The following TNFAIP8L3 variants were observed in gnomAD, a reference collection of about 807,000 sequenced individuals.
TNFAIP8L3 encodes the protein tumor necrosis factor alpha-induced protein 8-like protein 3.
Under a neutral mutation model 11.8 loss-of-function variants are expected in TNFAIP8L3, and 7 were observed. That is an observed-to-expected ratio of 0.59 (90% CI 0.34 to 1.11). The LOEUF (loss-of-function observed/expected upper bound fraction) is 1.11, where lower values mean the gene tolerates loss of function less well. Ranked by LOEUF, TNFAIP8L3 falls within the 50% of genes most tolerant of loss-of-function variation. The probability of loss-of-function intolerance (pLI) is 0.03; values close to 1 mark genes in which losing one functional copy is unlikely to be tolerated. For missense variants in TNFAIP8L3, 219 were observed against 258.6 expected (o/e 0.85, Z 1.05); for synonymous variants, 98 against 103.8 (o/e 0.94, Z 0.34).
At chr15:51,088,571 G>A (rs1407951170) in intron 1 of TNFAIP8L3, among the ~76,000 whole-genome samples, 1 of 152,196 alleles carries the variant, frequency 6.6e-6, no homozygotes, top group Admixed American at 6.5e-5. Context: ...CAAAACAGCT[G>A]ATCAGCCAGC....
chr15:51,097,649 G>T (rs1052838381), upstream of TNFAIP8L3, among the ~76,000 whole-genome samples: 2 of 152,198 alleles, frequency 1.3e-5, no homozygotes, highest in African/African-American at 4.8e-5. Context: ...GGGACAGCAA[G>T]ACAAAGGGAA....
At chr15:51,072,989 CCTT>C (rs1461574293) in intron 1 of TNFAIP8L3, among the ~76,000 whole-genome samples, 1,617 of 45,670 alleles carry the variant, frequency 0.035, 102 homozygotes, top group African/African-American at 0.16. Flanking sequence ...AAACTGGGAT[CCTT>C]TTTTTTTTTT....
chr15:51,096,002 A>C (rs2140984220), upstream of TNFAIP8L3, among the ~76,000 whole-genome samples: 1 of 152,360 alleles, frequency 6.6e-6, no homozygotes, highest in African/African-American at 2.4e-5. Context: ...TTTTGGAAGT[A>C]GAATATGGTT....
At chr15:51,101,903 G>A (rs1163443167) in intron 1 of TNFAIP8L3, among the ~76,000 whole-genome samples, 17 of 135,258 alleles carry the variant, frequency 1.3e-4, no homozygotes, top group African/African-American at 3.7e-4. Context: ...CTGAGATTGC[G>A]CCACTGCACT....
chr15:51,071,050 C>CAAAAAAAAA lies in TNFAIP8L3; in HGVS notation c.53-12616_53-12608dup, dbSNP rs55991711. 4.9e-3 allele frequency among the ~76,000 whole-genome samples: 156 copies of CAAAAAAAAA among 31,796 alleles called. 6 individuals carry two copies. Among genetic ancestry groups the CAAAAAAAAA allele is most frequent in the East Asian group, 0.017 (14 of 844 alleles). 20.9% of individuals were successfully genotyped at this position (31,796 alleles called of 152,430 possible). ...TGGGCGACAGAGCGAGACTCCGTCT[C>CAAAAAAAAA]AAAAAAAAAAAAAAAAAAAAAAAGA... On this transcript the variant is annotated intron_variant, in intron 1 of 1. Transcript: ENST00000637513.
Position 51,057,944 on chromosome 15 carries a change from A to G in TNFAIP8L3, c.552T>C (p.Cys184=). Residue 184 remains cysteine (C), a synonymous_variant, in exon 2 of 2, where the codon TGT becomes TGC. Coordinates refer to ENST00000637513, the MANE Select transcript of TNFAIP8L3 (RefSeq NM_001311175.2). ...CACAAATCCTCTTGAGGTTGGGCCT[A>G]CAGTCTCCATCCAGACTATAGAGGG... The part of the protein sequence containing the change: ...LSTLYSLDGD[C]RPNLKRICEG... The G allele has an allele frequency of 6.2e-7, 1 of 1,612,058 alleles. No individual in the cohort carries two copies. Among genetic ancestry groups the G allele is most frequent in the African/African-American group, 1.3e-5 (1 of 74,930 alleles).
chr15:51,083,744 G>A (rs967767296), intron 1 of TNFAIP8L3, among the ~76,000 whole-genome samples: 8 of 152,220 alleles, frequency 5.3e-5, no homozygotes, highest in Non-Finnish European at 1.2e-4. Context: ...GATGGGGGTG[G>A]AGGCACCAGA....
intron 1 of TNFAIP8L3, among the ~76,000 whole-genome samples, chr15:51,074,305 C>T (rs2065333945): frequency 6.6e-6 from 1 of 152,234 alleles, no homozygotes; most frequent in African/African-American, 2.4e-5. Context: ...TCCATGACAA[C>T]AAATGTACTA....
upstream of TNFAIP8L3, among the ~76,000 whole-genome samples, chr15:51,096,542 G>C (rs538609076): frequency 6.6e-6 from 1 of 152,318 alleles, no homozygotes; most frequent in South Asian, 2.1e-4. Context: ...TTTTTAGATT[G>C]AATGGATCCC....
intron 1 of TNFAIP8L3, among the ~76,000 whole-genome samples, chr15:51,059,375 T>C (rs371546514): frequency 6.6e-6 from 1 of 152,234 alleles, no homozygotes; most frequent in African/African-American, 2.4e-5. Context: ...AAATTCTAAC[T>C]AATAAGAAAG....
intron 1 of TNFAIP8L3, among the ~76,000 whole-genome samples, chr15:51,068,908 C>T (rs1432761003): frequency 1.3e-5 from 2 of 152,028 alleles, no homozygotes; most frequent in African/African-American, 2.4e-5. Flanking sequence ...CCTCATGATC[C>T]GCCCCCTCGG....
intron 1 of TNFAIP8L3, among the ~76,000 whole-genome samples, chr15:51,077,504 G>T: frequency 6.6e-6 from 1 of 152,190 alleles, no homozygotes; most frequent in East Asian, 1.9e-4. Flanking sequence ...ATGCAAGGGG[G>T]CCTAGTCAAG....
chr15:51,078,017 C>G (rs1474298841), intron 1 of TNFAIP8L3, among the ~76,000 whole-genome samples: 2 of 152,316 alleles, frequency 1.3e-5, no homozygotes, highest in Admixed American at 1.3e-4. Flanking sequence ...TCTGCATCAC[C>G]TTAACTGTCG....
intron 1 of TNFAIP8L3, among the ~76,000 whole-genome samples, chr15:51,090,504 G>A (rs753267603): frequency 3.3e-5 from 5 of 152,106 alleles, no homozygotes; most frequent in East Asian, 1.9e-4. Context: ...CCCTGTACTC[G>A]CTTAGCTTTA....
chr15:51,105,049 C>G (rs2065579989), exon 1 of TNFAIP8L3: 1 of 1,614,192 alleles, frequency 6.2e-7, no homozygotes, highest in East Asian at 2.2e-5. Flanking sequence ...GGGGATGAGT[C>G]TTGTTTGTAA....
intron 1 of TNFAIP8L3, among the ~76,000 whole-genome samples, chr15:51,082,382 T>C (rs2065398858): frequency 6.6e-6 from 1 of 152,190 alleles, no homozygotes; most frequent in South Asian, 2.1e-4. Context: ...AATGGTCTAC[T>C]TCTCTAAGGC....
intron 1 of TNFAIP8L3, among the ~76,000 whole-genome samples, chr15:51,063,857 G>A (rs1595606003): frequency 6.6e-6 from 1 of 152,230 alleles, no homozygotes; most frequent in Non-Finnish European, 1.5e-5. Flanking sequence ...TTGCATGTAG[G>A]TAGGGACAGC....
Position 51,094,408 on chromosome 15 carries a change from C to T in TNFAIP8L3, c.52+136G>A. The T allele has an allele frequency of 9.1e-7, 1 of 1,099,924 alleles. No individual in the cohort carries two copies. Among genetic ancestry groups the T allele is most frequent in the Non-Finnish European group, 1.2e-6 (1 of 859,470 alleles). 68.1% of individuals were successfully genotyped at this position (1,099,924 alleles called of 1,614,324 possible). ...GTTGGGGGAAGCCCCAAAGCAAACTCACGACGCGGAGCAATCCCCAGTCTT... is the reference window on the plus strand; with the variant it reads ...GTTGGGGGAAGCCCCAAAGCAAACTTACGACGCGGAGCAATCCCCAGTCTT... On this transcript the variant is annotated intron_variant, in intron 1 of 1. Transcript: ENST00000637513. The surrounding 1 kb of genome is among the most constrained non-coding windows in gnomAD (Gnocchi z 4.4).
chr15:51,099,116 A>G (rs768314688), upstream of TNFAIP8L3, among the ~76,000 whole-genome samples: 1 of 152,274 alleles, frequency 6.6e-6, no homozygotes. Context: ...TTTCATGGGT[A>G]TAATCTCCAC....
Sources: gnomAD v4.1 joint callset for allele counts (sites outside exome capture counted in the v4.1 genomes callset) on GRCh38, gnomAD v4.1.1 for gene constraint, Gnocchi (gnomAD v3.1) non-coding constraint, MANE v1.5 for transcripts, NCBI Gene and HGNC (gene_info 2026-07-23, HGNC 2026-07-21) for gene names.